The following LRP1B variants were observed in gnomAD, a reference collection of about 807,000 sequenced individuals.
The protein encoded by LRP1B is low-density lipoprotein receptor-related protein 1B.
In LRP1B, 217 loss-of-function variants were observed where a neutral mutation model predicts 556.6. The ratio of observed to expected loss-of-function variants is 0.39; its 90% CI spans 0.35 to 0.44. The LOEUF is 0.44. LRP1B is among the 20% of genes least tolerant of loss of function. The pLI is 1.00. For missense variants in LRP1B, 5,053 were observed against 5,620.8 expected (o/e 0.90, Z 3.23); for synonymous variants, 2,047 against 1,865.8 (o/e 1.10, Z -2.50).
intron 1 of LRP1B, among the ~76,000 whole-genome samples, chr2:142,085,347 A>T (rs1012487734): frequency 6.6e-6 from 1 of 152,170 alleles, no homozygotes; most frequent in Non-Finnish European, 1.5e-5. Context: ...ACCATGTAAT[A>T]TTGTACTATT....
At chr2:140,466,280 T>G (rs1402162071) in intron 60 of LRP1B, among the ~76,000 whole-genome samples, 2 of 152,148 alleles carry the variant, frequency 1.3e-5, no homozygotes, top group Non-Finnish European at 2.9e-5. Context: ...TCTTAAAACA[T>G]ATTTCATGCC....
chr2:140,489,443 A>C (rs543124012), intron 57 of LRP1B, among the ~76,000 whole-genome samples: 2 of 152,234 alleles, frequency 1.3e-5, no homozygotes, highest in Admixed American at 1.3e-4. Flanking sequence ...AAGAAGGGTA[A>C]CTGATATTCA....
intron 47 of LRP1B, among the ~76,000 whole-genome samples, chr2:140,531,232 T>C (rs895264543): frequency 6.6e-6 from 1 of 152,146 alleles, no homozygotes; most frequent in African/African-American, 2.4e-5. Context: ...TCTTTCTTGA[T>C]AGCTTTACCT....
At chr2:141,979,135 T>C (rs1271794715) in intron 1 of LRP1B, among the ~76,000 whole-genome samples, 4 of 152,068 alleles carry the variant, frequency 2.6e-5, no homozygotes, top group African/African-American at 7.2e-5. Context: ...ATAATAAGGA[T>C]GAATAAAATT....
At chr2:141,814,611 A>G (rs1181373616) in intron 1 of LRP1B, among the ~76,000 whole-genome samples, 1 of 152,212 alleles carries the variant, frequency 6.6e-6, no homozygotes, top group Non-Finnish European at 1.5e-5. Flanking sequence ...ACCATCTAAT[A>G]AATGCCAGCA....
At chr2:141,044,251 C>A (rs1698798053) in intron 11 of LRP1B, among the ~76,000 whole-genome samples, 2 of 151,474 alleles carry the variant, frequency 1.3e-5, no homozygotes, top group African/African-American at 2.4e-5. Context: ...CTTCCTTACA[C>A]CTTATACAAA....
At chr2:140,747,726 T>C (rs562774372) in intron 35 of LRP1B, among the ~76,000 whole-genome samples, 229 of 152,178 alleles carry the variant, frequency 1.5e-3, no homozygotes, top group Non-Finnish European at 1.7e-3. Context: ...GAAAATCTTG[T>C]GAAGTCTTTG....
At chr2:140,404,076 G>A (rs1312920455) in intron 66 of LRP1B, among the ~76,000 whole-genome samples, 1 of 151,478 alleles carries the variant, frequency 6.6e-6, no homozygotes, top group Admixed American at 6.6e-5. Flanking sequence ...AATGCTTAGG[G>A]AATTTGCCAC....
chr2:140,619,549 T>C (rs1422115930), intron 41 of LRP1B, among the ~76,000 whole-genome samples: 1 of 152,218 alleles, frequency 6.6e-6, no homozygotes, highest in Non-Finnish European at 1.5e-5. Context: ...ATCCAATCAG[T>C]GCTATTGCCT....
At chr2:141,482,884 G>T (rs1682974183) in intron 2 of LRP1B, among the ~76,000 whole-genome samples, 1 of 152,074 alleles carries the variant, frequency 6.6e-6, no homozygotes, top group Non-Finnish European at 1.5e-5. Context: ...CTTCAGAAAT[G>T]TTATAGTCAG....
At chr2:140,256,449 CTTTTTTTTTTTTTTTTT>C (rs764826231) in intron 86 of LRP1B, among the ~76,000 whole-genome samples, 32 of 25,330 alleles carry the variant, frequency 1.3e-3, no homozygotes, top group South Asian at 2.1e-3. Context: ...TTTTTCCTTC[CTTTTTTTTTTTTTTTTT>C]TTTTTTTTTT....
At chr2:141,939,699 A>C (rs1325926023) in intron 1 of LRP1B, among the ~76,000 whole-genome samples, 1 of 152,232 alleles carries the variant, frequency 6.6e-6, no homozygotes, top group South Asian at 2.1e-4. Context: ...TGGTAAAAAT[A>C]ATAGATAATG....
At chr2:141,850,966 A>C (rs1234208277) in intron 1 of LRP1B, among the ~76,000 whole-genome samples, 2 of 151,760 alleles carry the variant, frequency 1.3e-5, no homozygotes, top group Non-Finnish European at 2.9e-5. Flanking sequence ...GGGCTCTGTA[A>C]GAAGCTGACA....
chr2:140,343,434 C>G (rs1053984157), intron 77 of LRP1B, among the ~76,000 whole-genome samples: 1 of 151,556 alleles, frequency 6.6e-6, no homozygotes, highest in South Asian at 2.1e-4. Context: ...TACCCTTATA[C>G]TTGAAGATGA....
At chr2:140,251,274 T>A (rs1311295204) in intron 86 of LRP1B, among the ~76,000 whole-genome samples, 1 of 151,870 alleles carries the variant, frequency 6.6e-6, no homozygotes, top group Non-Finnish European at 1.5e-5. Flanking sequence ...GTAGCATAAC[T>A]GTAAGACATA....
At chr2:141,866,332 T>A (rs1230975979) in intron 1 of LRP1B, among the ~76,000 whole-genome samples, 1 of 152,210 alleles carries the variant, frequency 6.6e-6, no homozygotes, top group Non-Finnish European at 1.5e-5. Flanking sequence ...TATTTTCTAG[T>A]TAATATGGTC....
chr2:140,496,938 CAG>C (rs1489518875), intron 55 of LRP1B, among the ~76,000 whole-genome samples: 6 of 148,124 alleles, frequency 4.1e-5, no homozygotes, highest in African/African-American at 1.5e-4. Context: ...TATTTATTAT[CAG>C]ATAAAACTGA....
chr2:140,857,086 T>C (rs1471498175), intron 27 of LRP1B, among the ~76,000 whole-genome samples: 1 of 152,142 alleles, frequency 6.6e-6, no homozygotes, highest in Non-Finnish European at 1.5e-5. Flanking sequence ...TGTATTTAAT[T>C]ATAGTCCGTT....
intron 3 of LRP1B, among the ~76,000 whole-genome samples, chr2:141,293,618 C>A (rs961199066): frequency 2.0e-5 from 3 of 148,496 alleles, no homozygotes; most frequent in Admixed American, 2.0e-4. Flanking sequence ...CCAAAGATCA[C>A]TACATTCTTT....
Sources: gnomAD v4.1 joint callset for allele counts (sites outside exome capture counted in the v4.1 genomes callset) on GRCh38, gnomAD v4.1.1 for gene constraint, MANE v1.5 for transcripts, NCBI Gene and HGNC (gene_info 2026-07-23, HGNC 2026-07-21) for gene names.